ACSM2B: variants seen among roughly 807,000 people sequenced by gnomAD.
ACSM2B encodes acyl-coenzyme A synthetase ACSM2B, mitochondrial.
In ACSM2B, 58 loss-of-function variants were observed where a neutral mutation model predicts 78.6. The observed-to-expected ratio is 0.74, with a 90% confidence interval of 0.60 to 0.92. ACSM2B has a LOEUF of 0.92. Among genes scored for constraint, ACSM2B ranks in the 40% least tolerant of loss-of-function variants. The pLI, the probability that ACSM2B is intolerant of heterozygous loss-of-function variation, is 0.00. For missense variants in ACSM2B, 688 were observed against 711.2 expected (o/e 0.97, Z 0.37); for synonymous variants, 257 against 256.8 (o/e 1.00, Z -0.01).
At chr16:20,537,598 A>G (rs1193972774) in intron 13 of ACSM2B, among the ~76,000 whole-genome samples, 3 of 152,170 alleles carry the variant, frequency 2.0e-5, no homozygotes, top group Non-Finnish European at 4.4e-5. Flanking sequence ...AGCATAACAG[A>G]CACACATGGC....
intron 1 of ACSM2B, among the ~76,000 whole-genome samples, chr16:20,566,700 A>ATATACTATATATACTATATATAG (rs1555459379): frequency 1.5e-4 from 1 of 6,704 alleles, no homozygotes; most frequent in Non-Finnish European, 2.8e-4. Flanking sequence ...TATATATAGT[A>ATATACTATATATACTATATATAG]TATATATAGT....
Position 20,542,978 on chromosome 16 carries a change from A to G in ACSM2B, c.1445T>C (p.Leu482Pro). ...RIGPSEVENALMKHPAVVETA... is the reference protein window; with the variant it reads ...RIGPSEVENAPMKHPAVVETA... ...CTCAACCACAGCAGGGTGCTTCATC[A>G]GTGCATTCTCTACCTCCGAGGGTCC... The change falls in exon 12 of 14, where the codon CTG (leucine) becomes CCG (proline). Residue 482 changes from leucine (L) to proline (P), a missense_variant. Transcript: ENST00000329697. The G allele has an allele frequency of 6.2e-7, 1 of 1,613,606 alleles. No individual in the cohort carries two copies. The highest frequency in any genetic ancestry group is 8.5e-7 in the Non-Finnish European group (1 of 1,179,852).
chr16:20,540,345 C>T (rs1209255550), intron 13 of ACSM2B, among the ~76,000 whole-genome samples: 8 of 151,148 alleles, frequency 5.3e-5, no homozygotes, highest in East Asian at 1.9e-4. Flanking sequence ...CAGATTCGAG[C>T]GATTCTCATG....
chr16:20,562,675 T>C (rs2015699404), intron 2 of ACSM2B, among the ~76,000 whole-genome samples: 2 of 152,204 alleles, frequency 1.3e-5, no homozygotes, highest in African/African-American at 2.4e-5. Context: ...TTATGGTAGA[T>C]GGTAGGGGCC....
intron 2 of ACSM2B, among the ~76,000 whole-genome samples, chr16:20,562,932 TC>T (rs2015707189): frequency 6.6e-6 from 1 of 152,168 alleles, no homozygotes; most frequent in Admixed American, 6.5e-5. Context: ...ACTTTACCTG[TC>T]CTGTGTCTGC....
chr16:20,547,686 C>A (rs1220641956), intron 8 of ACSM2B: 1 of 1,089,076 alleles, frequency 9.2e-7, no homozygotes, highest in Non-Finnish European at 1.1e-6. Flanking sequence ...GTTTGATAAA[C>A]TTTGGTCTCT....
In ACSM2B at chr16:20,548,424, T is replaced by C. The variant is rs1288931825; in HGVS notation, c.944A>G (p.Tyr315Cys). 6.2e-7 allele frequency: 1 copy of C among 1,613,554 alleles called. No individual in the cohort carries two copies. The highest frequency in any genetic ancestry group is 8.5e-7 in the Non-Finnish European group (1 of 1,179,708). Reference protein sequence around the residue: ...IKSMMGAPIVYRMLLQQDLSS... With the variant: ...IKSMMGAPIVCRMLLQQDLSS... ...AAGATCCTGCTGTAGCAACATCCGG[T>C]AAACAATAGGGGCACCCATCATACT... The change falls in exon 7 of 14, where the codon TAC becomes TGC. Residue 315 changes from tyrosine (Y) to cysteine (C), a missense_variant. Coordinates refer to ENST00000329697, the MANE Select transcript of ACSM2B (RefSeq NM_001105069.2).
chr16:20,547,818 T>A (rs2015184697), intron 8 of ACSM2B: 1 of 1,064,016 alleles, frequency 9.4e-7, no homozygotes, highest in Non-Finnish European at 1.2e-6. Context: ...CCATGCTAGA[T>A]ATTTCTTAGT....
chr16:20,541,088 C>T (rs2014976002), intron 12 of ACSM2B: 1 of 190,782 alleles, frequency 5.2e-6, no homozygotes, highest in African/African-American at 2.3e-5. Flanking sequence ...AACCATAACC[C>T]TAAACAATGT....
chr16:20,540,923 G>A (rs2014971168), intron 12 of ACSM2B, 150 bp from the exon 13 acceptor site: 1 of 1,252,578 alleles, frequency 8.0e-7, no homozygotes, highest in South Asian at 1.8e-5. Context: ...GGAGAAACTG[G>A]GGACAAGAAT....
At chr16:20,564,531 G>A (rs1021329286) in intron 2 of ACSM2B, 138 bp downstream of exon 2, 138 of 1,472,476 alleles carry the variant, frequency 9.4e-5, no homozygotes, top group Middle Eastern at 5.8e-4. Flanking sequence ...TGCCTTCATG[G>A]AAGATGAGTG....
Position 20,559,329 on chromosome 16 carries a change from C to A in ACSM2B, c.296G>T (p.Gly99Val). Reference protein sequence around the residue: ...NSQQAANILSGACGLQRGDRV... With the variant: ...NSQQAANILSVACGLQRGDRV... ...ATCCCCACGCTGCAGGCCACAGGCT[C>A]CCGAGAGGATGTTGGCTGCCTGCTG... Residue 99 changes from glycine (G) to valine (V), a missense_variant, in exon 3 of 14, where the codon GGA becomes GTA. Gly to Val is a moderately radical substitution (Grantham distance 109, BLOSUM62 -3). Transcript: ENST00000329697. 1 of 1,609,148 alleles carries A rather than the reference C, an allele frequency of 6.2e-7. No homozygotes were observed. The highest frequency in any genetic ancestry group is 8.5e-7 in the Non-Finnish European group (1 of 1,177,706).
At chr16:20,543,329 A>C (rs1465503732) in intron 10 of ACSM2B, 67 bp from the exon 11 acceptor site, 2 of 1,609,730 alleles carry the variant, frequency 1.2e-6, no homozygotes, top group Non-Finnish European at 1.7e-6. Flanking sequence ...TGGGGCTGCC[A>C]TGAACAAATG....
chr16:20,549,314 G>C (rs1479667074), intron 6 of ACSM2B, among the ~76,000 whole-genome samples: 1 of 152,090 alleles, frequency 6.6e-6, no homozygotes, highest in East Asian at 1.9e-4. Flanking sequence ...ATTTCTTGCA[G>C]TTCTAGGGGC....
intron 6 of ACSM2B, among the ~76,000 whole-genome samples, chr16:20,550,899 C>A (rs116897730): frequency 6.6e-6 from 1 of 152,020 alleles, no homozygotes; most frequent in South Asian, 2.1e-4. Flanking sequence ...CTTATTCTTC[C>A]GAATTGCTTC....
chr16:20,539,547 C>T (rs2014930931), intron 13 of ACSM2B, among the ~76,000 whole-genome samples: 1 of 151,166 alleles, frequency 6.6e-6, no homozygotes, highest in South Asian at 2.1e-4. Context: ...CGTAAGAACA[C>T]TTCCCTTTTC....
chr16:20,563,039 C>A (rs2015712954), intron 2 of ACSM2B, among the ~76,000 whole-genome samples: 1 of 152,164 alleles, frequency 6.6e-6, no homozygotes, highest in Non-Finnish European at 1.5e-5. Flanking sequence ...TAGCCCCCTG[C>A]CCTCCAAATT....
At chr16:20,564,055 G>A (rs1180051146) in intron 2 of ACSM2B, among the ~76,000 whole-genome samples, 1 of 151,564 alleles carries the variant, frequency 6.6e-6, no homozygotes, top group African/African-American at 2.4e-5. Context: ...TATTGACAGG[G>A]ACACGTGACC....
chr16:20,573,813 C>T (rs1196834538), intron 1 of ACSM2B, among the ~76,000 whole-genome samples: 11 of 152,108 alleles, frequency 7.2e-5, no homozygotes, highest in Non-Finnish European at 1.0e-4. Context: ...AGAGGGTGTA[C>T]GAACAGGGAG....
Sources: allele counts gnomAD v4.1 joint callset (sites outside exome capture counted in the v4.1 genomes callset), GRCh38; gene constraint gnomAD v4.1.1; transcripts MANE v1.5; gene names NCBI Gene and HGNC (gene_info 2026-07-23, HGNC 2026-07-21).